SPART: variants seen among roughly 807,000 people sequenced by gnomAD.
SPART encodes spartin, also known as spastic paraplegia 20 (Troyer syndrome).
In SPART, 35 loss-of-function variants were observed where a neutral mutation model predicts 58.7. The observed-to-expected ratio is 0.60, with a 90% confidence interval of 0.46 to 0.79. SPART has a LOEUF of 0.79. Among genes scored for constraint, SPART ranks in the 30% least tolerant of loss-of-function variants. The probability of loss-of-function intolerance (pLI) is 0.00; values close to 1 mark genes in which losing one functional copy is unlikely to be tolerated. For missense variants in SPART, 730 were observed against 786.1 expected (o/e 0.93, Z 0.85); for synonymous variants, 284 against 280.7 (o/e 1.01, Z -0.12).
chr13:36,311,277 A>G (rs1296631959), intron 8 of SPART, among the ~76,000 whole-genome samples: 1 of 152,208 alleles, frequency 6.6e-6, no homozygotes, highest in Non-Finnish European at 1.5e-5. Context: ...CTCTCCAGAG[A>G]CAGACCTTAA....
At chr13:36,315,551 T>A (rs941826956) in intron 5 of SPART, among the ~76,000 whole-genome samples, 2 of 152,142 alleles carry the variant, frequency 1.3e-5, no homozygotes, top group African/African-American at 2.4e-5. Flanking sequence ...AATAAATAAT[T>A]AGAAATTTTA....
intron 1 of SPART, among the ~76,000 whole-genome samples, chr13:36,366,980 C>T (rs879204145): frequency 6.6e-6 from 1 of 152,154 alleles, no homozygotes; most frequent in Admixed American, 6.6e-5. Context: ...TAGATCCACC[C>T]CAGGAGGAGC....
chr13:36,320,654 C>G (rs1882280483), intron 5 of SPART, among the ~76,000 whole-genome samples: 1 of 152,156 alleles, frequency 6.6e-6, no homozygotes, highest in Admixed American at 6.5e-5. Flanking sequence ...TTGCTCCCAC[C>G]CAAGACTGGC....
At chr13:36,352,050 G>T (rs1885433189) in intron 1 of SPART, among the ~76,000 whole-genome samples, 1 of 152,118 alleles carries the variant, frequency 6.6e-6, no homozygotes, top group Non-Finnish European at 1.5e-5. Context: ...GGGATGACTC[G>T]ATGTAAACTA....
chr13:36,335,592 T>C lies in SPART; in HGVS notation c.239A>G (p.Lys80Arg). Residue 80 changes from lysine to arginine, a missense_variant, in exon 2 of 9, where the codon AAA (lysine) becomes AGA (arginine). Lys to Arg is a conservative substitution (Grantham distance 26). Coordinates refer to ENST00000438666, the MANE Select transcript of SPART (RefSeq NM_015087.5). ...GWESARQMQQ[K>R]MKETLQNVRT... is the part of the protein sequence containing the mutation. ...TACATTCTGTAGAGTTTCTTTCATT[T>C]TCTGTTGCATCTGTCTAGCAGATTC... The C allele has an allele frequency of 6.2e-7, 1 of 1,613,610 alleles. No homozygotes were observed.
intron 1 of SPART, among the ~76,000 whole-genome samples, chr13:36,362,205 G>T (rs931511967): frequency 1.3e-5 from 2 of 152,162 alleles, no homozygotes; most frequent in Non-Finnish European, 2.9e-5. Context: ...ACAAAAATTA[G>T]CTGGGCATGG....
upstream of SPART, among the ~76,000 whole-genome samples, chr13:36,347,542 C>A (rs1354909830): frequency 1.3e-5 from 2 of 152,128 alleles, no homozygotes; most frequent in Non-Finnish European, 2.9e-5. Flanking sequence ...CGTGAGTCAC[C>A]GCGCCTGGCC....
chr13:36,339,493 A>G (rs1216611464), intron 1 of SPART, among the ~76,000 whole-genome samples: 7 of 151,696 alleles, frequency 4.6e-5, no homozygotes, highest in African/African-American at 1.7e-4. Context: ...TTTCCAGGGC[A>G]TCATGGCATG....
At chr13:36,358,479 G>C (rs1387413906) in intron 1 of SPART, among the ~76,000 whole-genome samples, 2 of 152,102 alleles carry the variant, frequency 1.3e-5, no homozygotes, top group African/African-American at 4.8e-5. Flanking sequence ...TCGAACAATT[G>C]GTACTGTATT....
intron 1 of SPART, among the ~76,000 whole-genome samples, chr13:36,356,098 T>C (rs1885611027): frequency 6.6e-6 from 1 of 152,252 alleles, no homozygotes; most frequent in Non-Finnish European, 1.5e-5. Context: ...GCTTGTTTAC[T>C]CATGTGGTCC....
chr13:36,306,122 T>C (rs531594541), intron 8 of SPART, among the ~76,000 whole-genome samples: 1 of 152,352 alleles, frequency 6.6e-6, no homozygotes, highest in South Asian at 2.1e-4. Flanking sequence ...GAGCCTAGTC[T>C]GTCAAACCTT....
intron 6 of SPART, 64 bp from the exon 7 acceptor site, chr13:36,312,541 C>T (rs1881242868): frequency 6.9e-7 from 1 of 1,442,300 alleles, no homozygotes; most frequent in South Asian, 1.2e-5. Flanking sequence ...TTTTACCACT[C>T]ATCTTGCAAC....
At chr13:36,320,965 G>C (rs956972562) in intron 5 of SPART, among the ~76,000 whole-genome samples, 27 of 152,270 alleles carry the variant, frequency 1.8e-4, no homozygotes, top group African/African-American at 6.3e-4. Flanking sequence ...TAGACTAAAG[G>C]TCTTTTAAAA....
upstream of SPART, chr13:36,346,807 G>C (rs1354259482): frequency 6.6e-6 from 1 of 152,060 alleles, no homozygotes; most frequent in Admixed American, 6.5e-5. Flanking sequence ...GGAGAGCCTA[G>C]TAGAGAGTGT....
chr13:36,349,265 A>C (rs889053569), upstream of SPART, among the ~76,000 whole-genome samples: 1 of 152,226 alleles, frequency 6.6e-6, no homozygotes, highest in East Asian at 1.9e-4. Flanking sequence ...TCTGTCTCAA[A>C]CAAACAAGCA....
chr13:36,356,775 G>C (rs994376752), intron 1 of SPART, among the ~76,000 whole-genome samples: 1 of 152,214 alleles, frequency 6.6e-6, no homozygotes, highest in Non-Finnish European at 1.5e-5. Flanking sequence ...ATTTGGCTCA[G>C]AATAAATCTC....
chr13:36,339,638 A>AAAAAC (rs1884380155), intron 1 of SPART, among the ~76,000 whole-genome samples: 8 of 149,388 alleles, frequency 5.4e-5, no homozygotes, highest in South Asian at 2.1e-4. Context: ...AAAAAAAAAA[A>AAAAAC]AAAAAAAAAA....
chr13:36,338,652 C>T (rs1884260229), intron 1 of SPART, among the ~76,000 whole-genome samples: 1 of 152,116 alleles, frequency 6.6e-6, no homozygotes, highest in Non-Finnish European at 1.5e-5. Flanking sequence ...GGATAAGAAA[C>T]TATCAGGCAT....
chr13:36,326,621 T>A lies in SPART; in HGVS notation c.1242A>T (p.Lys414Asn). The change falls in exon 5 of 9, where the codon AAA becomes AAT. Residue 414 changes from lysine to asparagine, a missense_variant. Coordinates refer to ENST00000438666, the MANE Select transcript of SPART (RefSeq NM_015087.5). ...PCEPVPEEKP[K>N]ELPEWSEKVA... Reference sequence around the variant, plus strand: ...CTTTTTCACTCCATTCAGGTAATTCTTTTGGCTTTTCTTCTGGAACTGGCT... The same window carrying A: ...CTTTTTCACTCCATTCAGGTAATTCATTTGGCTTTTCTTCTGGAACTGGCT... The A allele has an allele frequency of 6.2e-7, 1 of 1,613,598 alleles. No homozygotes were observed. Among genetic ancestry groups the A allele is most frequent in the Middle Eastern group, 1.7e-4 (1 of 5,898 alleles).
Sources: gnomAD v4.1 joint callset for allele counts (sites outside exome capture counted in the v4.1 genomes callset) on GRCh38, gnomAD v4.1.1 for gene constraint, MANE v1.5 for transcripts, NCBI Gene and HGNC (gene_info 2026-07-23, HGNC 2026-07-21) for gene names.